Variants in FGF7 observed in about 807,000 individuals in gnomAD.
The protein encoded by FGF7 is FGF-7.
In FGF7, 6 loss-of-function variants were observed where a neutral mutation model predicts 20.5. The ratio of observed to expected loss-of-function variants is 0.29; its 90% CI spans 0.16 to 0.58. FGF7 has a LOEUF of 0.58. Among genes scored for constraint, FGF7 ranks in the 20% least tolerant of loss-of-function variants. The pLI is 0.90. For missense variants in FGF7, 144 were observed against 228.8 expected (o/e 0.63, Z 2.39); for synonymous variants, 64 against 74.7 (o/e 0.86, Z 0.74).
Position 49,483,522 on chromosome 15 carries a change from T to C in FGF7, c.390+268T>C, listed in dbSNP as rs543024592. Among the ~76,000 whole-genome samples the C allele has an allele frequency of 7.4e-4, 113 of 152,172 alleles. 2 individuals carry two copies. Among genetic ancestry groups the C allele is most frequent in the Non-Finnish European group, 1.4e-3 (94 of 67,932 alleles). On this transcript the variant is annotated intron_variant, in intron 3 of 3. Coordinates refer to ENST00000267843, the MANE Select transcript of FGF7 (RefSeq NM_002009.4). ...GGATCCTTCCAGCTCTAAAATTCCA[T>C]GTGCATTTTAGATATTTAAAATCCA... is the stretch of plus-strand genomic sequence containing the variant.
chr15:49,460,402 T>C (rs1461536397), intron 2 of FGF7, among the ~76,000 whole-genome samples: 1 of 152,226 alleles, frequency 6.6e-6, no homozygotes, highest in Non-Finnish European at 1.5e-5. Flanking sequence ...TTTAGTTGTG[T>C]AGTGGGTGTC....
At chr15:49,469,053 A>T (rs1327952170) in intron 2 of FGF7, among the ~76,000 whole-genome samples, 1 of 152,174 alleles carries the variant, frequency 6.6e-6, no homozygotes, top group Non-Finnish European at 1.5e-5. Flanking sequence ...CATGATTTTG[A>T]CTTGGTTCAT....
chr15:49,457,828 T>C (rs1008111409), intron 2 of FGF7, among the ~76,000 whole-genome samples: 5 of 151,960 alleles, frequency 3.3e-5, no homozygotes, highest in African/African-American at 1.2e-4. Context: ...AGTTAAATGG[T>C]ATACTTTTGG....
chr15:49,463,474 C>T (rs1407345084), intron 2 of FGF7, among the ~76,000 whole-genome samples: 3 of 150,600 alleles, frequency 2.0e-5, no homozygotes, highest in South Asian at 4.2e-4. Context: ...TCACTGGAAC[C>T]CGGAAGGCAG....
intron 2 of FGF7, chr15:49,425,454 CATTAAGGATTTAAAATA>C (rs1293655982): frequency 4.6e-5 from 7 of 151,950 alleles, no homozygotes; most frequent in Non-Finnish European, 1.0e-4. Context: ...TCAACATGTA[CATTAAGGATTTAAAATA>C]CTTAGTAAAA....
intron 2 of FGF7, among the ~76,000 whole-genome samples, chr15:49,472,158 C>T (rs2054840659): frequency 6.6e-6 from 1 of 151,976 alleles, no homozygotes. Flanking sequence ...TTATGAAGAA[C>T]GCATTTGAAG....
intron 2 of FGF7, among the ~76,000 whole-genome samples, chr15:49,429,872 G>A (rs543730191): frequency 1.3e-5 from 2 of 152,024 alleles, no homozygotes; most frequent in South Asian, 2.1e-4. Context: ...CCAGGCATTA[G>A]TATTTGTTAA....
chr15:49,437,133 A>G (rs2151817229), intron 2 of FGF7, among the ~76,000 whole-genome samples: 1 of 151,742 alleles, frequency 6.6e-6, no homozygotes, highest in African/African-American at 2.4e-5. Context: ...AAATTGTTAT[A>G]GAATGCATAA....
intron 2 of FGF7, among the ~76,000 whole-genome samples, chr15:49,456,764 A>T (rs1452608906): frequency 6.6e-6 from 1 of 152,092 alleles, no homozygotes; most frequent in Non-Finnish European, 1.5e-5. Flanking sequence ...TGAAAGATGA[A>T]CAGGGTATTG....
In FGF7 at chr15:49,424,133, T is replaced by C; in HGVS notation, c.-165T>C. 1 of 566,142 alleles carries C rather than the reference T, an allele frequency of 1.8e-6. No individual in the cohort carries two copies. The highest frequency in any genetic ancestry group is 3.1e-6 in the Non-Finnish European group (1 of 322,904). The allele number at this position is 566,142 out of a possible 1,614,324, so 35.1% of individuals were successfully genotyped here. ...TTTAAGGAGGAATCCTGTGTTGTTA[T>C]CAGGAACTAAAAGGATAAGGCTAAC... On this transcript the variant is annotated 5_prime_UTR_variant, in exon 2 of 4. Coordinates refer to ENST00000267843, the MANE Select transcript of FGF7 (RefSeq NM_002009.4).
intron 2 of FGF7, among the ~76,000 whole-genome samples, chr15:49,445,098 C>A (rs945365749): frequency 6.6e-6 from 1 of 151,506 alleles, no homozygotes; most frequent in Admixed American, 6.6e-5. Context: ...ACTAAAATTT[C>A]ATAATTTAAA....
rs185103394 is a variant in FGF7, at chr15:49,482,513, C to G, written c.287-638C>G. ...TAGGCTCTGTTTACCATCATTTACA[C>G]TTGCTTTAATTAGAATTTTCTTCAC... On this transcript the variant is annotated intron_variant, in intron 2 of 3. Transcript: ENST00000267843. Among the ~76,000 whole-genome samples the G allele has an allele frequency of 4.5e-3, 677 of 152,110 alleles. 10 individuals carry two copies. The highest frequency in any genetic ancestry group is 0.016 in the African/African-American group (646 of 41,548).
At chr15:49,444,728 G>C (rs1194906965) in intron 2 of FGF7, among the ~76,000 whole-genome samples, 1 of 151,598 alleles carries the variant, frequency 6.6e-6, no homozygotes, top group Non-Finnish European at 1.5e-5. Context: ...TCAAAGGCTA[G>C]AAATAAATTG....
chr15:49,454,413 C>G (rs941447848), intron 2 of FGF7, among the ~76,000 whole-genome samples: 1 of 152,038 alleles, frequency 6.6e-6, no homozygotes, highest in African/African-American at 2.4e-5. Flanking sequence ...ATAATAAGAG[C>G]CAATATTTAT....
chr15:49,470,172 T>G (rs1355768613), intron 2 of FGF7, among the ~76,000 whole-genome samples: 1 of 152,128 alleles, frequency 6.6e-6, no homozygotes, highest in Non-Finnish European at 1.5e-5. Context: ...TACTGTAGAT[T>G]GTAAATTAAA....
chr15:49,448,623 A>G (rs1308871531), intron 2 of FGF7, among the ~76,000 whole-genome samples: 1 of 151,590 alleles, frequency 6.6e-6, no homozygotes, highest in Non-Finnish European at 1.5e-5. Context: ...GTGATTTCCA[A>G]ATATTCTTTG....
At chr15:49,464,772 G>A (rs1257366410) in intron 2 of FGF7, among the ~76,000 whole-genome samples, 2 of 152,100 alleles carry the variant, frequency 1.3e-5, no homozygotes, top group Non-Finnish European at 2.9e-5. Context: ...TAGTATCTCC[G>A]TGTAAACAGT....
In FGF7 at chr15:49,485,905, T is replaced by G. The variant is rs2056365935; in HGVS notation, c.*1401T>G. The G allele has an allele frequency of 6.6e-6, 1 of 152,092 alleles. No individual in the cohort carries two copies. Among genetic ancestry groups the G allele is most frequent in the Non-Finnish European group, 1.5e-5 (1 of 67,970 alleles). 9.4% of individuals were successfully genotyped at this position (152,092 alleles called of 1,614,324 possible). On this transcript the variant is annotated 3_prime_UTR_variant, in exon 4 of 4. Coordinates refer to ENST00000267843, the MANE Select transcript of FGF7 (RefSeq NM_002009.4). ...AAAGGTGGCAGCACTGAAAGTTGTT[T>G]TCCTGTTAGATGGCAAGAGCACAAT...
intron 2 of FGF7, among the ~76,000 whole-genome samples, chr15:49,453,869 G>A (rs1402638688): frequency 6.6e-6 from 1 of 152,056 alleles, no homozygotes. Flanking sequence ...TTTTACATAA[G>A]AGTTCTGATA....
Sources: allele counts gnomAD v4.1 joint callset (sites outside exome capture counted in the v4.1 genomes callset), GRCh38; gene constraint gnomAD v4.1.1; transcripts MANE v1.5; gene names NCBI Gene and HGNC (gene_info 2026-07-23, HGNC 2026-07-21).